The following SRBD1 variants were observed in gnomAD, a reference collection of about 807,000 sequenced individuals.
SRBD1 encodes S1 RNA-binding domain-containing protein 1.
In SRBD1, 88 loss-of-function variants were observed where a neutral mutation model predicts 115.3. The ratio of observed to expected loss-of-function variants is 0.76; its 90% CI spans 0.64 to 0.91. SRBD1 has a LOEUF of 0.91. Among genes scored for constraint, SRBD1 ranks in the 40% least tolerant of loss-of-function variants. The pLI is 0.00. For synonymous variants in SRBD1, 509 were observed against 407.7 expected, an observed-to-expected ratio of 1.25 and a Z score of -2.99; for missense variants, 1,385 against 1,177.4, an observed-to-expected ratio of 1.18 and a Z score of -2.58.
chr2:45,516,068 G>C (rs1001719939), intron 14 of SRBD1, among the ~76,000 whole-genome samples: 5 of 152,048 alleles, frequency 3.3e-5, no homozygotes, highest in Non-Finnish European at 7.4e-5. Flanking sequence ...TAAACACAGA[G>C]GAAAGAAAAG....
At chr2:45,406,842 A>G (rs1667452024) in intron 19 of SRBD1, among the ~76,000 whole-genome samples, 1 of 152,132 alleles carries the variant, frequency 6.6e-6, no homozygotes, top group Non-Finnish European at 1.5e-5. Context: ...GTGATGATAG[A>G]GTAACACTCA....
intron 15 of SRBD1, among the ~76,000 whole-genome samples, chr2:45,479,119 A>C (rs540220181): frequency 6.6e-6 from 1 of 152,110 alleles, no homozygotes; most frequent in African/African-American, 2.4e-5. Context: ...TCAATAAATG[A>C]TGTCTGTGTC....
At chr2:45,524,011 A>G (rs1671365522) in intron 14 of SRBD1, among the ~76,000 whole-genome samples, 1 of 152,092 alleles carries the variant, frequency 6.6e-6, no homozygotes, top group African/African-American at 2.4e-5. Context: ...CCAAAAATCA[A>G]TTAATACAGT....
chr2:45,445,570 A>T (rs956811335), intron 16 of SRBD1, among the ~76,000 whole-genome samples: 11 of 147,054 alleles, frequency 7.5e-5, no homozygotes, highest in Non-Finnish European at 1.2e-4. Context: ...AAAAAAAAAA[A>T]AAAAAAAAAG....
intron 16 of SRBD1, among the ~76,000 whole-genome samples, chr2:45,434,865 C>T (rs533735601): frequency 3.9e-5 from 6 of 151,926 alleles, no homozygotes; most frequent in Admixed American, 6.6e-5. Context: ...TGGTTTGCTG[C>T]ACCCATTCAC....
intron 14 of SRBD1, among the ~76,000 whole-genome samples, chr2:45,506,794 A>G (rs1670812604): frequency 6.6e-6 from 1 of 152,228 alleles, no homozygotes; most frequent in Non-Finnish European, 1.5e-5. Context: ...CAGTTTAAAA[A>G]TCAAATGTAA....
intron 16 of SRBD1, among the ~76,000 whole-genome samples, chr2:45,475,791 T>G (rs1023849236): frequency 2.3e-4 from 35 of 152,326 alleles, no homozygotes; most frequent in Admixed American, 1.6e-3. Context: ...CTCTGCCTCC[T>G]GGGTTCAAGC....
Position 45,418,438 on chromosome 2 carries a change from GC to G in SRBD1, c.2259del (p.Leu754TrpfsTer39). 6.2e-7 allele frequency: 1 copy of G among 1,613,840 alleles called. No individual in the cohort carries two copies. Among genetic ancestry groups the G allele is most frequent in the Non-Finnish European group, 8.5e-7 (1 of 1,179,954 alleles). On this transcript the variant is annotated frameshift_variant, in exon 18 of 21. Coordinates refer to ENST00000263736, the MANE Select transcript of SRBD1 (RefSeq NM_018079.5). LOFTEE classifies it high-confidence loss of function. ...INREQLKKVK[G>X]LGPKSFQQCA... ...CACTGTTGGAAGGATTTTGGGCCCA[GC>G]CCTTTCACTTTCTTCAGCTGTTCTC...
chr2:45,563,780 A>C (rs761773551), intron 9 of SRBD1, among the ~76,000 whole-genome samples: 2 of 152,104 alleles, frequency 1.3e-5, no homozygotes, highest in Admixed American at 6.5e-5. Flanking sequence ...CACACCTATA[A>C]AAAGTATGGA....
intron 16 of SRBD1, among the ~76,000 whole-genome samples, chr2:45,456,507 C>G (rs1669156429): frequency 6.6e-6 from 1 of 151,834 alleles, no homozygotes; most frequent in Admixed American, 6.6e-5. Context: ...ATATTAATGG[C>G]TACTGTCATA....
At chr2:45,433,578 A>G (rs975263816) in intron 16 of SRBD1, among the ~76,000 whole-genome samples, 6 of 152,206 alleles carry the variant, frequency 3.9e-5, no homozygotes, top group Non-Finnish European at 7.3e-5. Flanking sequence ...TGAATGACCC[A>G]TGACAGACAG....
At chr2:45,454,246 C>G (rs951947627) in intron 16 of SRBD1, among the ~76,000 whole-genome samples, 1 of 151,774 alleles carries the variant, frequency 6.6e-6, no homozygotes, top group African/African-American at 2.4e-5. Context: ...TGTGTAAGAT[C>G]GTGGTACTGT....
chr2:45,578,612 G>C (rs1466867273), intron 7 of SRBD1, among the ~76,000 whole-genome samples: 4 of 152,090 alleles, frequency 2.6e-5, no homozygotes, highest in African/African-American at 9.7e-5. Context: ...TACATACTGT[G>C]GATTTTGTTA....
chr2:45,512,295 T>A (rs1187848582), intron 14 of SRBD1, among the ~76,000 whole-genome samples: 2 of 152,218 alleles, frequency 1.3e-5, no homozygotes, highest in Admixed American at 6.5e-5. Context: ...TTAGTTTACA[T>A]ACATTTGCAT....
chr2:45,518,577 T>C (rs1012010267), intron 14 of SRBD1, among the ~76,000 whole-genome samples: 1 of 152,192 alleles, frequency 6.6e-6, no homozygotes, highest in South Asian at 2.1e-4. Flanking sequence ...ATGGAAACCA[T>C]GACTAAGGAC....
At chr2:45,391,467 G>T (rs750428016) in intron 20 of SRBD1, among the ~76,000 whole-genome samples, 4 of 152,160 alleles carry the variant, frequency 2.6e-5, no homozygotes, top group Admixed American at 1.3e-4. Context: ...ATATCATCAC[G>T]TGGAAATGCC....
chr2:45,519,696 TTTTG>T (rs1239251686), intron 14 of SRBD1, among the ~76,000 whole-genome samples: 1 of 152,200 alleles, frequency 6.6e-6, no homozygotes, highest in African/African-American at 2.4e-5. Context: ...TTTTAAAAAT[TTTTG>T]TTTATTTTTC....
At chr2:45,401,108 T>C (rs1667280925) in intron 19 of SRBD1, among the ~76,000 whole-genome samples, 1 of 152,186 alleles carries the variant, frequency 6.6e-6, no homozygotes, top group Non-Finnish European at 1.5e-5. Context: ...ATATGAATGT[T>C]ACTTCTTGGG....
intron 10 of SRBD1, among the ~76,000 whole-genome samples, chr2:45,560,480 C>T (rs1024371758): frequency 3.9e-5 from 6 of 152,178 alleles, no homozygotes; most frequent in African/African-American, 1.4e-4. Flanking sequence ...TGTTCTTCAC[C>T]AGACATTGTG....
Sources: allele counts gnomAD v4.1 joint callset (sites outside exome capture counted in the v4.1 genomes callset), GRCh38; gene constraint gnomAD v4.1.1; transcripts MANE v1.5; gene names NCBI Gene and HGNC (gene_info 2026-07-23, HGNC 2026-07-21).